PIWIL1: variants seen among roughly 807,000 people sequenced by gnomAD.
PIWIL1 encodes the protein piwi-like protein 1.
A neutral mutation model predicts 114.4 loss-of-function variants in PIWIL1; 73 were observed. The ratio of observed to expected loss-of-function variants is 0.64; its 90% confidence interval spans 0.53 to 0.78. The LOEUF (loss-of-function observed/expected upper bound fraction) is 0.78, where lower values mean the gene tolerates loss of function less well. PIWIL1 is among the 30% of genes least tolerant of loss of function. The pLI, the probability that PIWIL1 is intolerant of heterozygous loss-of-function variation, is 0.00. For synonymous variants in PIWIL1, 375 were observed against 369.0 expected (o/e 1.02, Z -0.19); for missense variants, 723 against 1,063.1 (o/e 0.68, Z 4.45).
chr12:130,352,953 T>G (rs916909306), intron 9 of PIWIL1, among the ~76,000 whole-genome samples: 1 of 152,214 alleles, frequency 6.6e-6, no homozygotes, highest in Non-Finnish European at 1.5e-5. Flanking sequence ...CAGATGTGAG[T>G]GTTCTACTTA....
the PIWIL1 span, chr12:130,424,665 G>A: frequency 8.1e-7 from 1 of 1,231,912 alleles, no homozygotes; most frequent in Non-Finnish European, 1.0e-6. This position sits in a 1 kb window ranked among gnomAD's most constrained non-coding sequence, Gnocchi z 9.8. Context: ...GGGCCTGCCG[G>A]GCCTGGGCTC....
chr12:130,417,868 A>C, the PIWIL1 span, among the ~76,000 whole-genome samples: 11 of 146,424 alleles, frequency 7.5e-5, no homozygotes, highest in Admixed American at 1.3e-4. Context: ...AGAGAATGGG[A>C]GGGGAGAGGG....
At chr12:130,368,381 C>G (rs987162455) in intron 19 of PIWIL1, among the ~76,000 whole-genome samples, 7 of 152,080 alleles carry the variant, frequency 4.6e-5, no homozygotes, top group African/African-American at 1.4e-4. Flanking sequence ...ACTATAGCGA[C>G]TTTAGGTGGA....
At chr12:130,406,254 G>A in the PIWIL1 span, 1 of 1,578,372 alleles carries the variant, frequency 6.3e-7, no homozygotes, top group Admixed American at 1.7e-5. Context: ...CTGTGGAGAT[G>A]AAACATAAAA....
At chr12:130,356,870 A>C in intron 12 of PIWIL1, 48 bp from the exon 13 acceptor site, 1 of 1,361,476 alleles carries the variant, frequency 7.3e-7, no homozygotes, top group South Asian at 1.4e-5. Context: ...TGGCTTGATC[A>C]CTGAGAACTT....
downstream of PIWIL1, among the ~76,000 whole-genome samples, chr12:130,376,541 C>T (rs1037233067): frequency 6.6e-6 from 1 of 152,214 alleles, no homozygotes; most frequent in African/African-American, 2.4e-5. Context: ...CAAAGTTAAA[C>T]TGTGATTTCT....
chr12:130,340,626 G>A (rs1443038783), intron 1 of PIWIL1, among the ~76,000 whole-genome samples: 1 of 101,376 alleles, frequency 9.9e-6, no homozygotes, highest in Admixed American at 9.9e-5. Context: ...GGTTGGTGGT[G>A]GTGGTTGGGG....
chr12:130,414,590 G>A, the PIWIL1 span: 1 of 268,722 alleles, frequency 3.7e-6, no homozygotes. Context: ...CTGGGGCAGG[G>A]GCTGCGGCCG....
At chr12:130,419,372 G>T in the PIWIL1 span, among the ~76,000 whole-genome samples, 1 of 152,168 alleles carries the variant, frequency 6.6e-6, no homozygotes, top group African/African-American at 2.4e-5. This position sits in a 1 kb window ranked among gnomAD's most constrained non-coding sequence, Gnocchi z 4.3. Flanking sequence ...GGACGCCTGG[G>T]TGGGCTCCCA....
rs376446683 is a variant in PIWIL1, at chr12:130,342,573, T to C, written c.-12-7T>C. Reference sequence around the variant, plus strand: ...GAGTATTGTCTTCAAGATTGTTTCCTCTCCAGAAATAGAAAACAATGACTG... The same window carrying C: ...GAGTATTGTCTTCAAGATTGTTTCCCCTCCAGAAATAGAAAACAATGACTG... On this transcript the variant is annotated splice_region_variant and splice_polypyrimidine_tract_variant and intron_variant, in intron 1 of 20. Coordinates refer to ENST00000245255, the MANE Select transcript of PIWIL1 (RefSeq NM_004764.5). 8.9e-6 allele frequency: 14 copies of C among 1,577,418 alleles called. No homozygotes were observed. Among genetic ancestry groups the C allele is most frequent in the Non-Finnish European group, 1.2e-5 (14 of 1,146,972 alleles).
At chr12:130,411,374 A>G in the PIWIL1 span, among the ~76,000 whole-genome samples, 1 of 151,864 alleles carries the variant, frequency 6.6e-6, no homozygotes, top group Non-Finnish European at 1.5e-5. Flanking sequence ...CCTGGTTATG[A>G]CCTCCAGTAT....
the PIWIL1 span, among the ~76,000 whole-genome samples, chr12:130,413,964 G>A: frequency 6.6e-6 from 1 of 152,216 alleles, no homozygotes; most frequent in Admixed American, 6.5e-5. Flanking sequence ...AGAGGGCAGG[G>A]CCCTTGCCGT....
chr12:130,412,619 C>CTAT, the PIWIL1 span: 37 of 1,613,386 alleles, frequency 2.3e-5, no homozygotes, highest in Non-Finnish European at 3.0e-5. Context: ...TTGCGCTTAC[C>CTAT]TATTTTCTCC....
At chr12:130,366,992 A>ATCAG in intron 18 of PIWIL1, 141 bp from the exon 19 acceptor site, 1 of 950,708 alleles carries the variant, frequency 1.1e-6, no homozygotes, top group Non-Finnish European at 1.6e-6. Flanking sequence ...TAAGATCCTG[A>ATCAG]TCCTTCTCCA....
intron 1 of PIWIL1, among the ~76,000 whole-genome samples, chr12:130,338,752 TGGGGTGCAGGGGCC>T (rs1467348206): frequency 1.9e-5 from 1 of 51,726 alleles, no homozygotes; most frequent in Non-Finnish European, 3.7e-5. Flanking sequence ...TGCAGGAGCC[TGGGGTGCAGGGGCC>T]GGGGTGCGGG....
chr12:130,356,268 A>C (rs1788232987), intron 12 of PIWIL1, among the ~76,000 whole-genome samples: 1 of 152,022 alleles, frequency 6.6e-6, no homozygotes, highest in African/African-American at 2.4e-5. Flanking sequence ...AAAGCACTGT[A>C]AAGTGCCAAC....
At chr12:130,421,274 A>G in the PIWIL1 span, among the ~76,000 whole-genome samples, 22 of 152,276 alleles carry the variant, frequency 1.4e-4, no homozygotes, top group Non-Finnish European at 2.9e-4. Flanking sequence ...CTGATCTGTA[A>G]TAAGTGCCAT....
At chr12:130,402,522 G>A in the PIWIL1 span, among the ~76,000 whole-genome samples, 1 of 152,016 alleles carries the variant, frequency 6.6e-6, no homozygotes, top group Non-Finnish European at 1.5e-5. Flanking sequence ...CTTCAAAAGT[G>A]TACCATCAAA....
the PIWIL1 span, among the ~76,000 whole-genome samples, chr12:130,391,283 C>G: frequency 2.6e-5 from 4 of 152,326 alleles, no homozygotes; most frequent in East Asian, 7.7e-4. Context: ...AGGAACAACG[C>G]GGGTGAGACA....
Sources: allele counts gnomAD v4.1 joint callset (sites outside exome capture counted in the v4.1 genomes callset), GRCh38; gene constraint gnomAD v4.1.1; non-coding constraint Gnocchi (gnomAD v3.1); transcripts MANE v1.5; gene names NCBI Gene and HGNC (gene_info 2026-07-23, HGNC 2026-07-21).